The following PTPDC1 variants were observed in gnomAD, a reference collection of about 807,000 sequenced individuals.
PTPDC1 encodes protein tyrosine phosphatase domain containing 1.
PTPDC1 carries 53 observed loss-of-function variants against 75.3 expected under a neutral mutation model. That is an observed-to-expected ratio of 0.70 (90% CI 0.56 to 0.88). PTPDC1 has a LOEUF of 0.88. PTPDC1 is among the 40% of genes least tolerant of loss of function. The probability of loss-of-function intolerance (pLI) is 0.00; values close to 1 mark genes in which losing one functional copy is unlikely to be tolerated. For synonymous variants in PTPDC1, 349 were observed against 366.2 expected (o/e 0.95, Z 0.54); for missense variants, 925 against 998.6 (o/e 0.93, Z 0.99).
chr9:94,090,688 G>A lies in PTPDC1; in HGVS notation c.616+2425G>A, dbSNP rs1226251496. Among the ~76,000 whole-genome samples, 3 of 122,066 alleles carry A rather than the reference G, an allele frequency of 2.5e-5. 1 individual carries two copies. Among genetic ancestry groups the A allele is most frequent in the Non-Finnish European group, 5.1e-5 (3 of 59,194 alleles). 80.1% of individuals were successfully genotyped at this position (122,066 alleles called of 152,430 possible). Reference sequence around the variant, plus strand: ...CCTTGGGCAGTATGGCCATTTTCACGATATTGATTCTTCCTACCCATGAGC... The same window carrying A: ...CCTTGGGCAGTATGGCCATTTTCACAATATTGATTCTTCCTACCCATGAGC... On this transcript the variant is annotated intron_variant, in intron 4 of 8. Coordinates refer to ENST00000620992, the MANE Select transcript of PTPDC1 (RefSeq NM_001253829.2).
At chr9:94,047,594 A>G (rs1825648898) in intron 1 of PTPDC1, among the ~76,000 whole-genome samples, 2 of 152,242 alleles carry the variant, frequency 1.3e-5, no homozygotes, top group Non-Finnish European at 2.9e-5. Context: ...AAATAGAGAC[A>G]CAAAAAACCC....
At chr9:94,060,170 C>T (rs1360363688) in intron 1 of PTPDC1, among the ~76,000 whole-genome samples, 2 of 152,190 alleles carry the variant, frequency 1.3e-5, no homozygotes, top group Non-Finnish European at 1.5e-5. Flanking sequence ...AGCATGATCA[C>T]TAGCTTTAGA....
intron 6 of PTPDC1, among the ~76,000 whole-genome samples, chr9:94,099,162 G>T (rs954893473): frequency 6.6e-6 from 1 of 152,138 alleles, no homozygotes; most frequent in Admixed American, 6.5e-5. Context: ...CTGAGTTGAG[G>T]TCTTTGGGGT....
rs751474155 is a variant in PTPDC1 at position 94,098,502 on chromosome 9, CT to C, written c.1937del (p.Leu646ArgfsTer6). The part of the protein sequence containing the change: ...SELSAEARRI[L>X]AAKALANLNE... ...ATTGAGTGCTGAGGCAAGAAGAATA[CT>C]GGCGGCCAAAGCCCTAGCAAATTTA... On this transcript the variant is annotated frameshift_variant, in exon 6 of 9. Coordinates refer to ENST00000620992, the MANE Select transcript of PTPDC1 (RefSeq NM_001253829.2). LOFTEE classifies it high-confidence loss of function. The C allele has an allele frequency of 7.1e-5, 115 of 1,614,024 alleles. No individual in the cohort carries two copies. Among genetic ancestry groups the C allele is most frequent in the Non-Finnish European group, 9.4e-5 (111 of 1,180,010 alleles).
intron 2 of PTPDC1, among the ~76,000 whole-genome samples, chr9:94,067,974 T>A (rs573364912): frequency 1.3e-5 from 2 of 152,278 alleles, no homozygotes; most frequent in South Asian, 2.1e-4. Flanking sequence ...GAAAACAGGT[T>A]TTTTTGCCTT....
chr9:94,071,536 G>A (rs536206062), intron 2 of PTPDC1, among the ~76,000 whole-genome samples: 15 of 152,260 alleles, frequency 9.9e-5, no homozygotes, highest in Non-Finnish European at 1.8e-4. Flanking sequence ...CACTTTTGCT[G>A]TCAAGTCTTC....
At chr9:94,052,608 CT>C (rs1403212915) in intron 1 of PTPDC1, among the ~76,000 whole-genome samples, 1 of 151,938 alleles carries the variant, frequency 6.6e-6, no homozygotes, top group Non-Finnish European at 1.5e-5. Context: ...TAGTTTTTGC[CT>C]TGTATTAATG....
intron 2 of PTPDC1, among the ~76,000 whole-genome samples, chr9:94,086,256 G>C (rs1282966904): frequency 6.6e-6 from 1 of 152,128 alleles, no homozygotes; most frequent in African/African-American, 2.4e-5. Flanking sequence ...TCATATTCTG[G>C]TCCATCACTA....
chr9:94,035,700 G>A (rs1197752802), intron 1 of PTPDC1, among the ~76,000 whole-genome samples: 1 of 152,142 alleles, frequency 6.6e-6, no homozygotes, highest in African/African-American at 2.4e-5. Context: ...CCCAGAAGTG[G>A]GACTGCCGAA....
intron 2 of PTPDC1, among the ~76,000 whole-genome samples, chr9:94,067,996 C>T (rs1224897506): frequency 6.6e-6 from 1 of 152,052 alleles, no homozygotes; most frequent in Non-Finnish European, 1.5e-5. Flanking sequence ...TGGAGTTTGC[C>T]ACAACCTGTA....
intron 1 of PTPDC1, chr9:94,064,688 G>T: frequency 7.1e-7 from 1 of 1,402,750 alleles, no homozygotes. Context: ...ATTAATAAAT[G>T]ACTGTCCCAA....
At chr9:94,033,808 A>G (rs1204883706) in intron 1 of PTPDC1, among the ~76,000 whole-genome samples, 1 of 152,234 alleles carries the variant, frequency 6.6e-6, no homozygotes, top group Non-Finnish European at 1.5e-5. Context: ...AGACATAAAA[A>G]AATTCATAAA....
chr9:94,060,843 A>G (rs1331446036), intron 1 of PTPDC1, among the ~76,000 whole-genome samples: 1 of 152,142 alleles, frequency 6.6e-6, no homozygotes, highest in Non-Finnish European at 1.5e-5. Context: ...CACCTTCAAC[A>G]TTGGGGATTA....
Position 94,093,247 on chromosome 9 carries a change from G to A in PTPDC1, c.617-2070G>A, listed in dbSNP as rs541496419. Among the ~76,000 whole-genome samples the A allele has an allele frequency of 7.8e-3, 1,175 of 150,620 alleles. 12 individuals are homozygous for A. Among genetic ancestry groups the A allele is most frequent in the African/African-American group, 0.027 (1,118 of 40,804 alleles). On this transcript the variant is annotated intron_variant, in intron 4 of 8. Transcript: ENST00000620992. ...CCGGTTGTTCCTTTCCATGTTTAGTGCTTCCTTCAGGAGCTCTTTTAGGGC... is the reference window on the plus strand; with the variant it reads ...CCGGTTGTTCCTTTCCATGTTTAGTACTTCCTTCAGGAGCTCTTTTAGGGC...
chr9:94,062,512 A>G (rs751492632), intron 1 of PTPDC1, among the ~76,000 whole-genome samples: 2 of 152,180 alleles, frequency 1.3e-5, no homozygotes, highest in Admixed American at 6.5e-5. Flanking sequence ...GTAATTTCTA[A>G]AGAAAAGAGG....
intron 8 of PTPDC1, among the ~76,000 whole-genome samples, chr9:94,104,650 A>G (rs1219194391): frequency 6.6e-6 from 1 of 152,218 alleles, no homozygotes; most frequent in Non-Finnish European, 1.5e-5. Context: ...TAAAAGAAAG[A>G]GAGAAACAAC....
chr9:94,097,648 T>C lies in PTPDC1; in HGVS notation c.1082T>C (p.Met361Thr). 9 of 1,614,060 alleles carry C rather than the reference T, an allele frequency of 5.6e-6. No individual in the cohort carries two copies. Among genetic ancestry groups the C allele is most frequent in the Non-Finnish European group, 7.6e-6 (9 of 1,180,010 alleles). ...LDLAENRPVM[M>T]KDVSEGPGLS... is the part of the protein sequence containing the mutation. The stretch of plus-strand genomic sequence containing the variant: ...TTAGCGGAGAACAGGCCAGTGATGA[T>C]GAAGGATGTGTCCGAAGGACCTGGT... The change falls in exon 6 of 9, where the codon ATG becomes ACG. Residue 361 changes from methionine to threonine, a missense_variant. Coordinates refer to ENST00000620992, the MANE Select transcript of PTPDC1 (RefSeq NM_001253829.2).
At position 94,107,901 on chromosome 9, in the gene PTPDC1, A is replaced by G. The variant is rs779429054; in HGVS notation, c.2384A>G (p.Glu795Gly). 1.9e-6 allele frequency: 3 copies of G among 1,609,564 alleles called. No homozygotes were observed. In the Admixed American group the frequency reaches 5.1e-5, roughly 27 times the overall value. ...AAAATATTTAAGCACACGCTGGAAG[A>G]AAAAAGAAAAATGACAAAAGATGGC... Reference protein sequence around the residue: ...LKKIFKHTLEEKRKMTKDGPK... With the variant: ...LKKIFKHTLEGKRKMTKDGPK... The change falls in exon 9 of 9, where the codon GAA (glutamate) becomes GGA (glycine). Residue 795 changes from glutamate to glycine, a missense_variant. Coordinates refer to ENST00000620992, the MANE Select transcript of PTPDC1 (RefSeq NM_001253829.2).
intron 4 of PTPDC1, among the ~76,000 whole-genome samples, chr9:94,090,232 A>C (rs1188066764): frequency 1.1e-5 from 1 of 93,152 alleles, no homozygotes; most frequent in East Asian, 3.4e-4. Flanking sequence ...TTAAGTCTTT[A>C]ATCCATCTTG....
Sources: allele counts gnomAD v4.1 joint callset (sites outside exome capture counted in the v4.1 genomes callset), GRCh38; gene constraint gnomAD v4.1.1; transcripts MANE v1.5; gene names NCBI Gene and HGNC (gene_info 2026-07-23, HGNC 2026-07-21).